The following TBCA variants were observed in gnomAD, a reference collection of about 807,000 sequenced individuals.
TBCA encodes the protein tubulin-specific chaperone A.
Under a neutral mutation model 15.8 loss-of-function variants are expected in TBCA, and 6 were observed. The ratio of observed to expected loss-of-function variants is 0.38; its 90% CI spans 0.21 to 0.75. The LOEUF is 0.75. Ranked by LOEUF, TBCA falls within the 30% of genes least tolerant of loss-of-function variation. The pLI is 0.46. For synonymous variants in TBCA, 32 were observed against 42.3 expected, an observed-to-expected ratio of 0.76 and a Z score of 0.94; for missense variants, 90 against 131.2, an observed-to-expected ratio of 0.69 and a Z score of 1.53.
chr5:77,699,640 A>T (rs2112426465), intron 2 of TBCA, among the ~76,000 whole-genome samples: 1 of 152,274 alleles, frequency 6.6e-6, no homozygotes, highest in African/African-American at 2.4e-5. Flanking sequence ...TTAGGGAAAA[A>T]AATAGAAAAT....
chr5:77,776,080 G>T, intron 1 of TBCA, 125 bp downstream of exon 1: 1 of 1,219,400 alleles, frequency 8.2e-7, no homozygotes, highest in Non-Finnish European at 1.1e-6. Flanking sequence ...CAACTGCGGA[G>T]CCCCGGGTGC....
intron 2 of TBCA, among the ~76,000 whole-genome samples, chr5:77,699,050 A>AAAAAAAAAAG (rs1745943049): frequency 6.9e-6 from 1 of 144,458 alleles, no homozygotes; most frequent in Non-Finnish European, 1.5e-5. Flanking sequence ...AAAAAAAAAA[A>AAAAAAAAAAG]AAAAAAAAGA....
chr5:77,706,370 T>C (rs899275768), intron 2 of TBCA, among the ~76,000 whole-genome samples: 2 of 152,168 alleles, frequency 1.3e-5, no homozygotes, highest in East Asian at 3.8e-4. Flanking sequence ...TTTATTTAGT[T>C]GTTGTGGTGG....
Position 77,725,602 on chromosome 5 carries a change from T to A in TBCA, c.54-17255A>T, listed in dbSNP as rs1046554588. Among the ~76,000 whole-genome samples, 3 of 152,364 alleles carry A rather than the reference T, an allele frequency of 2.0e-5. No homozygotes were observed. The East Asian group carries it at 5.8e-4, about 29-fold the overall frequency. Reference sequence around the variant, plus strand: ...CGGCACGACAACAAAGAATTCATTTTTCATAACATCAGCCGCGTATGCCTC... The same window carrying A: ...CGGCACGACAACAAAGAATTCATTTATCATAACATCAGCCGCGTATGCCTC... On this transcript the variant is annotated intron_variant, in intron 1 of 3. Transcript: ENST00000380377.
chr5:77,767,359 G>A (rs994518761), intron 1 of TBCA, among the ~76,000 whole-genome samples: 2 of 152,242 alleles, frequency 1.3e-5, no homozygotes, highest in Admixed American at 1.3e-4. Context: ...AACAACAACA[G>A]AGAACTCAGT....
intron 2 of TBCA, 147 bp from the exon 3 acceptor site, chr5:77,693,499 T>A: frequency 9.6e-7 from 1 of 1,039,040 alleles, no homozygotes; most frequent in Admixed American, 2.6e-5. Flanking sequence ...TTAAATTGTA[T>A]TTATTAGAAG....
chr5:77,755,519 G>A (rs999067897), intron 1 of TBCA, among the ~76,000 whole-genome samples: 2 of 152,026 alleles, frequency 1.3e-5, no homozygotes, highest in African/African-American at 4.8e-5. Context: ...AGGTTGCAGT[G>A]AGCCAAGATC....
At chr5:77,721,156 A>T (rs1746520790) in intron 1 of TBCA, among the ~76,000 whole-genome samples, 1 of 152,210 alleles carries the variant, frequency 6.6e-6, no homozygotes, top group Admixed American at 6.5e-5. Flanking sequence ...ACTACAAAAT[A>T]AGCCCAATTT....
chr5:77,725,945 G>A (rs1415045380), intron 1 of TBCA, among the ~76,000 whole-genome samples: 1 of 152,170 alleles, frequency 6.6e-6, no homozygotes, highest in Non-Finnish European at 1.5e-5. Flanking sequence ...TATATGAAGG[G>A]TGGAGCTGAG....
intron 1 of TBCA, among the ~76,000 whole-genome samples, chr5:77,712,079 C>T (rs1746290729): frequency 6.6e-6 from 1 of 151,896 alleles, no homozygotes; most frequent in African/African-American, 2.4e-5. Context: ...ATAAAGGTTC[C>T]ACTCTTAAAC....
intron 1 of TBCA, among the ~76,000 whole-genome samples, chr5:77,744,148 TTCTA>T (rs1747113890): frequency 1.3e-5 from 2 of 152,110 alleles, no homozygotes; most frequent in South Asian, 4.1e-4. Context: ...ATACCTATGG[TTCTA>T]TCTAAAACAT....
At chr5:77,701,757 T>A (rs184769) in intron 2 of TBCA, among the ~76,000 whole-genome samples, 51,813 of 134,892 alleles carry the variant, frequency 0.38, 10,021 homozygotes, top group South Asian at 0.41. Flanking sequence ...CAAATAGCAA[T>A]GAGTTAATGG....
chr5:77,773,788 C>T (rs556884367), intron 1 of TBCA, among the ~76,000 whole-genome samples: 4 of 152,150 alleles, frequency 2.6e-5, no homozygotes, highest in African/African-American at 9.7e-5. Context: ...GAAAGGTGGG[C>T]GAACAGGAAG....
chr5:77,761,764 G>C (rs1747648103), intron 1 of TBCA, among the ~76,000 whole-genome samples: 1 of 151,418 alleles, frequency 6.6e-6, no homozygotes, highest in Admixed American at 6.6e-5. Flanking sequence ...GGCTGATCCA[G>C]CCGTCCAACA....
At chr5:77,693,959 G>C (rs985685287) in intron 2 of TBCA, among the ~76,000 whole-genome samples, 1 of 152,018 alleles carries the variant, frequency 6.6e-6, no homozygotes, top group Non-Finnish European at 1.5e-5. Flanking sequence ...ATTTTAAAAG[G>C]CTATTTAAAA....
chr5:77,701,642 C>T (rs1400691588), intron 2 of TBCA, among the ~76,000 whole-genome samples: 1 of 141,892 alleles, frequency 7.0e-6, no homozygotes, highest in Non-Finnish European at 1.5e-5. Flanking sequence ...GGAACCAACC[C>T]GAATGTCCAT....
intron 1 of TBCA, among the ~76,000 whole-genome samples, chr5:77,760,135 T>G (rs2112505451): frequency 6.6e-6 from 1 of 152,258 alleles, no homozygotes; most frequent in East Asian, 1.9e-4. Flanking sequence ...AAAGACAGCA[T>G]TTGATTCTCT....
chr5:77,771,796 T>C (rs1366075215), intron 1 of TBCA, among the ~76,000 whole-genome samples: 2 of 152,214 alleles, frequency 1.3e-5, no homozygotes, highest in African/African-American at 4.8e-5. Context: ...ACCTGAAGTG[T>C]TCCACCAGGT....
chr5:77,700,910 C>A (rs1159923244), intron 2 of TBCA, among the ~76,000 whole-genome samples: 1 of 152,134 alleles, frequency 6.6e-6, no homozygotes, highest in African/African-American at 2.4e-5. Flanking sequence ...TCATCTTATA[C>A]AAAAATCAAC....
Sources: allele counts gnomAD v4.1 joint callset (sites outside exome capture counted in the v4.1 genomes callset), GRCh38; gene constraint gnomAD v4.1.1; transcripts MANE v1.5; gene names NCBI Gene and HGNC (gene_info 2026-07-23, HGNC 2026-07-21).